NAV3: variants seen among roughly 807,000 people sequenced by gnomAD.
NAV3 encodes pore membrane and/or filament interacting like protein 1.
Under a neutral mutation model 244.7 loss-of-function variants are expected in NAV3, and 87 were observed. The observed-to-expected ratio is 0.36, with a 90% CI of 0.30 to 0.42. The LOEUF (loss-of-function observed/expected upper bound fraction) is 0.42, where lower values mean the gene tolerates loss of function less well. Ranked by LOEUF, NAV3 falls within the 20% of genes least tolerant of loss-of-function variation. The probability of loss-of-function intolerance (pLI) is 1.00; values close to 1 mark genes in which losing one functional copy is unlikely to be tolerated. For missense variants in NAV3, 2,663 were observed against 2,893.3 expected (o/e 0.92, Z 1.83); for synonymous variants, 1,126 against 1,042.2 (o/e 1.08, Z -1.55).
chr12:77,610,569 T>A (rs1354310484), intron 2 of NAV3, among the ~76,000 whole-genome samples: 2 of 152,150 alleles, frequency 1.3e-5, no homozygotes, highest in South Asian at 4.1e-4. Flanking sequence ...AGACTTGTGC[T>A]GGTTGCACAC....
intron 9 of NAV3, among the ~76,000 whole-genome samples, chr12:78,026,537 G>T (rs1878087158): frequency 6.6e-6 from 1 of 151,794 alleles, no homozygotes; most frequent in African/African-American, 2.4e-5. Context: ...TTTTCTATTT[G>T]TACTCAGAAA....
chr12:77,647,220 T>C (rs1050053195), intron 2 of NAV3, among the ~76,000 whole-genome samples: 1 of 152,070 alleles, frequency 6.6e-6, no homozygotes, highest in African/African-American at 2.4e-5. Context: ...GCAATGAAAA[T>C]AGTCAAAAAG....
chr12:77,809,017 C>T (rs570100082), intron 2 of NAV3, among the ~76,000 whole-genome samples: 56 of 152,120 alleles, frequency 3.7e-4, no homozygotes, highest in Non-Finnish European at 6.6e-4. Flanking sequence ...TGGCAGACCT[C>T]CCTTCCCCCA....
chr12:77,727,194 G>C (rs1454460394), intron 2 of NAV3, among the ~76,000 whole-genome samples: 1 of 151,900 alleles, frequency 6.6e-6, no homozygotes, highest in Non-Finnish European at 1.5e-5. Context: ...CTGAGAGAAA[G>C]CTGTTATAGT....
rs148334691 is a variant in NAV3 at position 77,779,043 on chromosome 12, C to T, written c.73-161276C>T. 7.9e-4 allele frequency among the ~76,000 whole-genome samples: 120 copies of T among 152,242 alleles called. 1 individual carries two copies. Among genetic ancestry groups the T allele is most frequent in the African/African-American group, 2.8e-3 (116 of 41,538 alleles). On this transcript the variant is annotated intron_variant, in intron 2 of 8. Coordinates refer to the NAV3 transcript ENST00000550042. ...AAAAGTTTTACTTGCAAGCCTTGTG[C>T]GACTCTGTAAATGTGAAAATAAATT...
intron 1 of NAV3, among the ~76,000 whole-genome samples, chr12:77,873,773 T>TATATATATATATATATATATATATAA (rs762527287): frequency 3.1e-5 from 4 of 128,624 alleles, no homozygotes; most frequent in African/African-American, 1.2e-4. Context: ...TATATGTATA[T>TATATATATATATATATATATATATAA]AACAGCATAT....
rs779639003 is a variant in NAV3 at position 78,006,908 on chromosome 12, G to T, written c.1370G>T (p.Ser457Ile). The stretch of plus-strand genomic sequence containing the variant: ...CCAAAAGCTGGAAGCAAAAATCTCA[G>T]CAATAAAAAGTCTTTGCTACAGCCA... ...APPKAGSKNL[S>I]NKKSLLQPKE... Residue 457 changes from serine (S) to isoleucine (I), a missense_variant, in exon 8 of 40, where the codon AGC becomes ATC. By Grantham distance (142) the Ser-to-Ile change is moderately radical. Around this residue, in one of 6 missense-constraint regions of NAV3, gnomAD observed 1,521 missense variants for 1,497.0 expected, o/e 1.02. Transcript: ENST00000397909. 4 of 1,613,862 alleles carry T rather than the reference G, an allele frequency of 2.5e-6. No individual in the cohort carries two copies. Among genetic ancestry groups the T allele is most frequent in the Non-Finnish European group, 3.4e-6 (4 of 1,180,004 alleles).
At chr12:78,083,177 G>A (rs1275895940) in intron 12 of NAV3, among the ~76,000 whole-genome samples, 1 of 152,176 alleles carries the variant, frequency 6.6e-6, no homozygotes, top group Non-Finnish European at 1.5e-5. Context: ...ATCACATGGT[G>A]AGGGGCAGCT....
chr12:77,822,890 G>T (rs1160532434), intron 2 of NAV3, among the ~76,000 whole-genome samples: 1 of 151,922 alleles, frequency 6.6e-6, no homozygotes, highest in Admixed American at 6.6e-5. Flanking sequence ...ATTTCAGAAT[G>T]GATTGGAAAA....
intron 1 of NAV3, among the ~76,000 whole-genome samples, chr12:77,850,073 C>T (rs1327137711): frequency 6.6e-6 from 1 of 152,090 alleles, no homozygotes; most frequent in African/African-American, 2.4e-5. Context: ...TCTAATAAAC[C>T]TGCTTAGAAA....
chr12:77,654,213 T>C (rs1250289986), intron 2 of NAV3, among the ~76,000 whole-genome samples: 2 of 152,140 alleles, frequency 1.3e-5, no homozygotes, highest in African/African-American at 4.8e-5. Context: ...AAGAAAGGGG[T>C]GACAGACGGC....
intron 9 of NAV3, among the ~76,000 whole-genome samples, chr12:78,024,982 A>AG (rs200313506): frequency 6.7e-4 from 69 of 102,466 alleles, no homozygotes; most frequent in Admixed American, 3.0e-3. Context: ...CTCAAGAAAA[A>AG]GGGGGAAAAA....
intron 1 of NAV3, among the ~76,000 whole-genome samples, chr12:77,904,481 C>A (rs1334286229): frequency 6.6e-6 from 1 of 152,052 alleles, no homozygotes; most frequent in African/African-American, 2.4e-5. Context: ...ACATCACACA[C>A]TGGGGCCTGT....
chr12:77,805,607 G>C (rs1003035552), intron 2 of NAV3, among the ~76,000 whole-genome samples: 1 of 152,088 alleles, frequency 6.6e-6, no homozygotes, highest in Non-Finnish European at 1.5e-5. Context: ...GTGTTCTTCA[G>C]GGATATTGGG....
chr12:78,140,831 TTA>T (rs1956578686), intron 20 of NAV3, among the ~76,000 whole-genome samples: 1 of 151,816 alleles, frequency 6.6e-6, no homozygotes, highest in African/African-American at 2.4e-5. Flanking sequence ...ATGTTTTTTT[TTA>T]AATATACCTT....
At chr12:77,963,970 T>C in intron 3 of NAV3, among the ~76,000 whole-genome samples, 2 of 128,316 alleles carry the variant, frequency 1.6e-5, no homozygotes, top group Non-Finnish European at 1.7e-5. Context: ...TCCTTCACCC[T>C]CCCCTTCCTC....
chr12:77,660,733 C>T (rs1873402011), intron 2 of NAV3, among the ~76,000 whole-genome samples: 2 of 152,196 alleles, frequency 1.3e-5, no homozygotes, highest in South Asian at 4.1e-4. Context: ...CCAAAAGTTT[C>T]TCTGTGCCTG....
chr12:78,049,164 G>T (rs1309044163), intron 9 of NAV3, among the ~76,000 whole-genome samples: 1 of 152,320 alleles, frequency 6.6e-6, no homozygotes, highest in Non-Finnish European at 1.5e-5. Flanking sequence ...CTCCACAGGG[G>T]TGGGATCCAC....
At chr12:78,163,911 T>G (rs1382160454) in intron 23 of NAV3, among the ~76,000 whole-genome samples, 3 of 152,076 alleles carry the variant, frequency 2.0e-5, no homozygotes, top group Middle Eastern at 3.2e-3. Flanking sequence ...GCATCCATTA[T>G]ATGTGCTGAA....
Sources: gnomAD v4.1 joint callset for allele counts (sites outside exome capture counted in the v4.1 genomes callset) on GRCh38, gnomAD v4.1.1 for gene constraint, gnomAD v4.1.1 regional missense constraint, MANE v1.5 for transcripts, NCBI Gene and HGNC (gene_info 2026-07-23, HGNC 2026-07-21) for gene names.